The following SUMF1 variants were observed in gnomAD, a reference collection of about 807,000 sequenced individuals.
SUMF1 encodes the protein formylglycine-generating enzyme.
A neutral mutation model predicts 47.6 loss-of-function variants in SUMF1; 48 were observed. The observed-to-expected ratio is 1.01, with a 90% CI of 0.80 to 1.28. SUMF1 has a LOEUF of 1.28. Ranked by LOEUF, SUMF1 falls within the 50% of genes most tolerant of loss-of-function variation. The pLI is 0.00. For synonymous variants in SUMF1, 230 were observed against 192.1 expected, an observed-to-expected ratio of 1.20 and a Z score of -1.63; for missense variants, 571 against 485.4, an observed-to-expected ratio of 1.18 and a Z score of -1.66.
intron 8 of SUMF1, among the ~76,000 whole-genome samples, chr3:4,371,796 A>T (rs1700176693): frequency 6.6e-6 from 1 of 152,208 alleles, no homozygotes; most frequent in African/African-American, 2.4e-5. Context: ...ATACATGAGG[A>T]AAAATTGAGG....
At chr3:4,094,271 G>A (rs1454835234) in intron 8 of SUMF1, among the ~76,000 whole-genome samples, 5 of 152,098 alleles carry the variant, frequency 3.3e-5, no homozygotes, top group Middle Eastern at 6.8e-3. Context: ...CCTTCAACAA[G>A]TATTTATTGG....
chr3:4,424,732 T>C (rs1490722846), intron 3 of SUMF1, among the ~76,000 whole-genome samples: 1 of 152,248 alleles, frequency 6.6e-6, no homozygotes, highest in African/African-American at 2.4e-5. Flanking sequence ...AATACACATT[T>C]GATTCCGTTT....
At chr3:4,420,207 A>G in intron 3 of SUMF1, 61 bp from the exon 4 acceptor site, 3 of 1,331,872 alleles carry the variant, frequency 2.3e-6, no homozygotes, top group Admixed American at 1.7e-5. Context: ...AAAAATATCA[A>G]CTCAGTACAT....
chr3:4,392,488 C>T (rs139029316), intron 7 of SUMF1, among the ~76,000 whole-genome samples: 1 of 151,610 alleles, frequency 6.6e-6, no homozygotes, highest in African/African-American at 2.4e-5. Context: ...ATGTTTATTA[C>T]ATTTTAGCTG....
At chr3:4,326,522 G>GTTTTTTTTTTTTTTTTTTT (rs35648890) in intron 8 of SUMF1, among the ~76,000 whole-genome samples, 21 of 128,672 alleles carry the variant, frequency 1.6e-4, no homozygotes, top group South Asian at 2.4e-4. Context: ...TTTTCCAAGG[G>GTTTTTTTTTTTTTTTTTTT]TTTTTTTTTT....
rs73120014 is a variant in SUMF1 at position 4,199,725 on chromosome 3, A to C, written c.1015-130980T>G. Among the ~76,000 whole-genome samples, 1,412 of 152,164 alleles carry C rather than the reference A, an allele frequency of 9.3e-3. 24 individuals carry two copies. The highest frequency in any genetic ancestry group is 0.032 in the African/African-American group (1,342 of 41,514). ...AATTCTCATTTCCCTAATGACTAAC[A>C]ATGTTGAACATTGTTTCATGTGCTT... On this transcript the variant is annotated intron_variant and NMD_transcript_variant, in intron 8 of 12. Coordinates refer to the SUMF1 transcript ENST00000448413.
intron 9 of SUMF1, among the ~76,000 whole-genome samples, chr3:4,044,352 C>T (rs1694968108): frequency 6.6e-6 from 1 of 152,180 alleles, no homozygotes; most frequent in African/African-American, 2.4e-5. Flanking sequence ...TCTAAATGTA[C>T]TGCCCATCAC....
chr3:4,102,126 G>T (rs1693047906), intron 8 of SUMF1, among the ~76,000 whole-genome samples: 1 of 152,102 alleles, frequency 6.6e-6, no homozygotes, highest in African/African-American at 2.4e-5. Flanking sequence ...GGAGATTACG[G>T]GAACTACAAT....
At chr3:4,178,693 C>A (rs953261726) in intron 8 of SUMF1, among the ~76,000 whole-genome samples, 4 of 152,052 alleles carry the variant, frequency 2.6e-5, no homozygotes, top group African/African-American at 7.2e-5. Context: ...CTGGCCAGGG[C>A]AATCAGGCAA....
At chr3:4,128,806 T>TA (rs1431748299) in intron 8 of SUMF1, among the ~76,000 whole-genome samples, 7 of 152,062 alleles carry the variant, frequency 4.6e-5, no homozygotes, top group Non-Finnish European at 8.8e-5. Context: ...GGAAGGAACA[T>TA]AGAGTTGGAT....
intron 8 of SUMF1, among the ~76,000 whole-genome samples, chr3:4,139,884 T>C (rs1424096504): frequency 6.6e-6 from 1 of 152,014 alleles, no homozygotes; most frequent in Non-Finnish European, 1.5e-5. Context: ...CAGAGTTTAT[T>C]TGGGCTATTT....
At chr3:4,180,683 A>AACACACACACACACACAC (rs59921396) in intron 8 of SUMF1, among the ~76,000 whole-genome samples, 5,365 of 139,584 alleles carry the variant, frequency 0.038, 244 homozygotes, top group African/African-American at 0.1. Flanking sequence ...CCTAGAACTT[A>AACACACACACACACACAC]ACACACACAC....
At position 4,276,727 on chromosome 3, in the gene SUMF1, T is replaced by C. The variant is rs1479773102; in HGVS notation, c.1014+99603A>G. ...TACGGTATTTCTTTTTGTTTTCCTGTTTTCCAAATATGGCTTCATAGGCTT... is the reference window on the plus strand; with the variant it reads ...TACGGTATTTCTTTTTGTTTTCCTGCTTTCCAAATATGGCTTCATAGGCTT... On this transcript the variant is annotated intron_variant and NMD_transcript_variant, in intron 8 of 12. Coordinates refer to the SUMF1 transcript ENST00000448413. Among the ~76,000 whole-genome samples, 5 of 152,308 alleles carry C rather than the reference T, an allele frequency of 3.3e-5. No individual in the cohort carries two copies. In the South Asian group the frequency reaches 1.0e-3, roughly 32 times the overall value.
chr3:4,277,107 A>C (rs1697436094), intron 8 of SUMF1, among the ~76,000 whole-genome samples: 1 of 152,270 alleles, frequency 6.6e-6, no homozygotes, highest in South Asian at 2.1e-4. Context: ...CCTGCTTAAT[A>C]AACTATCCTC....
intron 8 of SUMF1, among the ~76,000 whole-genome samples, chr3:4,292,068 C>T (rs892478688): frequency 2.6e-5 from 4 of 152,052 alleles, no homozygotes; most frequent in African/African-American, 9.7e-5. Flanking sequence ...TAATTATTTG[C>T]AAAAACATGT....
At chr3:4,344,108 G>C (rs1475848266) in intron 8 of SUMF1, among the ~76,000 whole-genome samples, 1 of 152,202 alleles carries the variant, frequency 6.6e-6, no homozygotes, top group Non-Finnish European at 1.5e-5. Flanking sequence ...GCATTCTGAG[G>C]CTCCCATAGA....
chr3:4,424,723 A>C (rs897130073), intron 3 of SUMF1, among the ~76,000 whole-genome samples: 7 of 152,258 alleles, frequency 4.6e-5, no homozygotes, highest in Admixed American at 4.6e-4. Flanking sequence ...AACCTATAGA[A>C]TACACATTTG....
intron 8 of SUMF1, among the ~76,000 whole-genome samples, chr3:4,354,248 G>A (rs1463084998): frequency 1.3e-5 from 2 of 152,206 alleles, no homozygotes; most frequent in Non-Finnish European, 2.9e-5. Flanking sequence ...AAGTAAGAAT[G>A]TAAACAATGA....
intron 8 of SUMF1, among the ~76,000 whole-genome samples, chr3:4,338,973 T>A (rs1481457004): frequency 6.6e-6 from 1 of 152,170 alleles, no homozygotes; most frequent in African/African-American, 2.4e-5. Flanking sequence ...TGAATGGGTA[T>A]TGCTGACTGA....
Sources: gnomAD v4.1 joint callset for allele counts (sites outside exome capture counted in the v4.1 genomes callset) on GRCh38, gnomAD v4.1.1 for gene constraint, MANE v1.5 for transcripts, NCBI Gene and HGNC (gene_info 2026-07-23, HGNC 2026-07-21) for gene names.